The following ANKFN1 variants were observed in gnomAD, a reference collection of about 807,000 sequenced individuals.
The protein encoded by ANKFN1 is ankyrin repeat and fibronectin type III domain containing 1.
ANKFN1 carries 74 observed loss-of-function variants against 108.7 expected under a neutral mutation model. The observed-to-expected ratio is 0.68, with a 90% CI of 0.56 to 0.83. The LOEUF is 0.83. Ranked by LOEUF, ANKFN1 falls within the 40% of genes least tolerant of loss-of-function variation. The probability of loss-of-function intolerance (pLI) is 0.00; values close to 1 mark genes in which losing one functional copy is unlikely to be tolerated. For missense variants in ANKFN1, 1,505 were observed against 1,382.3 expected (o/e 1.09, Z -1.41); for synonymous variants, 547 against 516.2 (o/e 1.06, Z -0.81).
At chr17:56,212,091 C>T (rs11868834) in intron 1 of ANKFN1, among the ~76,000 whole-genome samples, 21,580 of 150,894 alleles carry the variant, frequency 0.14, 1,724 homozygotes, top group East Asian at 0.3. Flanking sequence ...ATAGAAGCAG[C>T]GAGAGTGGGC....
chr17:56,194,934 A>G (rs920124251), intron 1 of ANKFN1, among the ~76,000 whole-genome samples: 4 of 152,228 alleles, frequency 2.6e-5, no homozygotes, highest in African/African-American at 9.6e-5. Flanking sequence ...TAGATGAGCC[A>G]TCCTTTCCCT....
rs531632955 is a variant in ANKFN1 at position 56,162,264 on chromosome 17, C to T, written c.-71+8734C>T. Among the ~76,000 whole-genome samples, 93 of 152,290 alleles carry T rather than the reference C, an allele frequency of 6.1e-4. 1 individual carries two copies. In the South Asian group the frequency reaches 0.018, roughly 30 times the overall value. On this transcript the variant is annotated intron_variant, in intron 1 of 20. Coordinates refer to ENST00000682825, the MANE Select transcript of ANKFN1 (RefSeq NM_001370326.1). ...ATAAGTATGCATCTATGTTTATTTG[C>T]TTAGGGCCGCCTCACAAACTACCAT... is the stretch of plus-strand genomic sequence containing the variant.
At chr17:56,223,765 T>G (rs1916053769) in intron 2 of ANKFN1, among the ~76,000 whole-genome samples, 1 of 152,176 alleles carries the variant, frequency 6.6e-6, no homozygotes, top group Non-Finnish European at 1.5e-5. Context: ...GTACAGAATA[T>G]TTTAATCCAA....
At chr17:56,289,805 A>C (rs2044312534) in intron 3 of ANKFN1, among the ~76,000 whole-genome samples, 1 of 152,240 alleles carries the variant, frequency 6.6e-6, no homozygotes, top group African/African-American at 2.4e-5. Flanking sequence ...CAGGGTAACC[A>C]AAATCCCAAA....
At chr17:56,432,042 G>A (rs568314036) in intron 8 of ANKFN1, among the ~76,000 whole-genome samples, 195 of 152,350 alleles carry the variant, frequency 1.3e-3, no homozygotes, top group African/African-American at 4.5e-3. Context: ...GCCTGTGGAA[G>A]CGCTGTCAGA....
intron 3 of ANKFN1, among the ~76,000 whole-genome samples, chr17:56,312,518 C>G (rs2045060288): frequency 6.6e-6 from 1 of 152,184 alleles, no homozygotes; most frequent in African/African-American, 2.4e-5. Flanking sequence ...GAGCCTCTCT[C>G]CTAATCCCGG....
Position 56,399,844 on chromosome 17 carries a change from TATATATA to T in ANKFN1, c.910+25131_910+25137del, listed in dbSNP as rs538608259. On this transcript the variant is annotated intron_variant, in intron 8 of 20. Coordinates refer to ENST00000682825, the MANE Select transcript of ANKFN1 (RefSeq NM_001370326.1). ...TATGGCTGAGTAGTATTCCATTTTT[TATATATA>T]TATATATATATATATATATGTATCA... 2.2e-3 allele frequency among the ~76,000 whole-genome samples: 244 copies of T among 111,916 alleles called. 1 individual carries two copies. Among genetic ancestry groups the T allele is most frequent in the Non-Finnish European group, 2.8e-3 (171 of 61,950 alleles). The allele number at this position is 111,916 out of a possible 152,430, so 73.4% of individuals were successfully genotyped here.
At chr17:56,182,481 A>C (rs1406712004) in intron 1 of ANKFN1, among the ~76,000 whole-genome samples, 1 of 152,224 alleles carries the variant, frequency 6.6e-6, no homozygotes, top group Non-Finnish European at 1.5e-5. Flanking sequence ...GACAAAACCT[A>C]GTCCAGAGCA....
chr17:56,448,673 C>T (rs1439184804), intron 10 of ANKFN1, among the ~76,000 whole-genome samples: 1 of 152,160 alleles, frequency 6.6e-6, no homozygotes, highest in African/African-American at 2.4e-5. Context: ...TCTGCACATT[C>T]CCACCCCTTT....
At chr17:56,068,549 C>G (rs1314570918) in intron 4 of ANKFN1, among the ~76,000 whole-genome samples, 2 of 152,156 alleles carry the variant, frequency 1.3e-5, no homozygotes, top group Admixed American at 1.3e-4. Context: ...ATAGAGCTCA[C>G]CAGCCCCAGG....
intron 6 of ANKFN1, among the ~76,000 whole-genome samples, chr17:56,356,624 A>G (rs909456146): frequency 1.3e-5 from 2 of 152,218 alleles, no homozygotes; most frequent in African/African-American, 2.4e-5. Flanking sequence ...CTCTATAGTC[A>G]AAGTGCTGCC....
At chr17:56,378,052 T>C (rs1404478536) in intron 8 of ANKFN1, among the ~76,000 whole-genome samples, 1 of 152,216 alleles carries the variant, frequency 6.6e-6, no homozygotes, top group Non-Finnish European at 1.5e-5. Flanking sequence ...AATAGCAAAT[T>C]GTTTAACTGC....
chr17:56,487,314 T>G (rs2145399346), intron 18 of ANKFN1, among the ~76,000 whole-genome samples: 1 of 152,198 alleles, frequency 6.6e-6, no homozygotes, highest in South Asian at 2.1e-4. Context: ...ATTTACAAAG[T>G]TCCCAGGAAC....
At chr17:56,322,912 A>G (rs1422845934) in intron 3 of ANKFN1, among the ~76,000 whole-genome samples, 1 of 152,184 alleles carries the variant, frequency 6.6e-6, no homozygotes, top group Admixed American at 6.5e-5. Context: ...AATGGGAGCA[A>G]TGCGCCCTCC....
rs556991922 is a variant in ANKFN1, at chr17:56,133,836, A to T, written c.288+87511A>T. The stretch of plus-strand genomic sequence containing the variant: ...CACTCAACATAATACTTCTGACACC[A>T]GATGTGCAGGGATATTTTATCATAC... On this transcript the variant is annotated intron_variant, in intron 4 of 12. Coordinates refer to the ANKFN1 transcript ENST00000635860. Among the ~76,000 whole-genome samples the T allele has an allele frequency of 2.6e-5, 4 of 152,034 alleles. No individual in the cohort carries two copies. In the East Asian group the frequency reaches 7.7e-4, roughly 29 times the overall value.
intron 3 of ANKFN1, among the ~76,000 whole-genome samples, chr17:56,276,375 G>T (rs1229264277): frequency 2.6e-5 from 4 of 152,152 alleles, no homozygotes; most frequent in African/African-American, 9.7e-5. Context: ...CCAGTAACGG[G>T]ATCGCTGGGT....
chr17:56,360,036 A>G (rs2144714201), intron 6 of ANKFN1, among the ~76,000 whole-genome samples: 1 of 152,262 alleles, frequency 6.6e-6, no homozygotes, highest in Non-Finnish European at 1.5e-5. Flanking sequence ...ATTTAGAGAG[A>G]TTTCCTGAAA....
At chr17:56,443,991 A>T (rs1220466524) in intron 10 of ANKFN1, among the ~76,000 whole-genome samples, 2 of 152,178 alleles carry the variant, frequency 1.3e-5, no homozygotes, top group African/African-American at 4.8e-5. Flanking sequence ...GTTTCTTTTT[A>T]CTCCATAATT....
chr17:56,502,761 G>A (rs1029516472), intron 20 of ANKFN1, among the ~76,000 whole-genome samples: 1 of 152,210 alleles, frequency 6.6e-6, no homozygotes, highest in Non-Finnish European at 1.5e-5. Flanking sequence ...TGTGTGTATA[G>A]GATTCACTAA....
Sources: allele counts gnomAD v4.1 joint callset (sites outside exome capture counted in the v4.1 genomes callset), GRCh38; gene constraint gnomAD v4.1.1; transcripts MANE v1.5; gene names NCBI Gene and HGNC (gene_info 2026-07-23, HGNC 2026-07-21).